Variants in KLHL22 observed in about 807,000 individuals in gnomAD.
KLHL22 encodes kelch-like protein 22.
Under a neutral mutation model 60.7 loss-of-function variants are expected in KLHL22, and 18 were observed. The observed-to-expected ratio is 0.30, with a 90% CI of 0.20 to 0.44. KLHL22 has a LOEUF of 0.44. Ranked by LOEUF, KLHL22 falls within the 20% of genes least tolerant of loss-of-function variation. The pLI is 1.00. For missense variants in KLHL22, 596 were observed against 852.3 expected (o/e 0.70, Z 3.74); for synonymous variants, 355 against 354.5 (o/e 1.00, Z -0.01).
At chr22:20,471,586 A>C in intron 2 of KLHL22, 71 bp from the exon 3 acceptor site, 1 of 1,532,742 alleles carries the variant, frequency 6.5e-7, no homozygotes, top group Non-Finnish European at 8.9e-7. Context: ...CAAGAGTGAC[A>C]GCATTCAGAG....
intron 4 of KLHL22, among the ~76,000 whole-genome samples, chr22:20,459,694 G>T (rs543761179): frequency 6.6e-4 from 100 of 152,302 alleles, no homozygotes; most frequent in Non-Finnish European, 1.2e-3. Flanking sequence ...ATTAAACAAA[G>T]GAGTAAGATT....
intron 2 of KLHL22, among the ~76,000 whole-genome samples, chr22:20,487,156 G>A (rs965306193): frequency 2.0e-5 from 3 of 152,106 alleles, no homozygotes; most frequent in African/African-American, 7.2e-5. Flanking sequence ...CTAATCTCAG[G>A]TGATCCACCC....
chr22:20,480,827 CTTTTTTT>C (rs760373717), intron 2 of KLHL22, among the ~76,000 whole-genome samples: 2 of 121,570 alleles, frequency 1.6e-5, no homozygotes, highest in African/African-American at 6.1e-5. Flanking sequence ...TTACGCCAAA[CTTTTTTT>C]TTTTTTTTTT....
intron 3 of KLHL22, among the ~76,000 whole-genome samples, chr22:20,466,637 G>T (rs1178055624): frequency 6.6e-6 from 1 of 152,076 alleles, no homozygotes; most frequent in Non-Finnish European, 1.5e-5. Context: ...ACCCACCCAG[G>T]AACCTGATTT....
intron 2 of KLHL22, among the ~76,000 whole-genome samples, chr22:20,478,816 C>A (rs1036672292): frequency 6.7e-6 from 1 of 149,126 alleles, no homozygotes; most frequent in Non-Finnish European, 1.5e-5. Flanking sequence ...GCCCAGCCTC[C>A]CAAACTTAAT....
chr22:20,483,326 G>C, intron 2 of KLHL22: 1 of 725,558 alleles, frequency 1.4e-6, no homozygotes, highest in Middle Eastern at 3.8e-4. Flanking sequence ...CGTTTCTTCC[G>C]AGCCAGCTCA....
intron 4 of KLHL22, among the ~76,000 whole-genome samples, chr22:20,458,985 G>A (rs1157974262): frequency 3.9e-5 from 6 of 152,094 alleles, no homozygotes; most frequent in African/African-American, 1.2e-4. Context: ...GAGGGTGGAG[G>A]AGTCTGGCCA....
rs548774259 is a variant in KLHL22, at chr22:20,492,655, T to C, written c.-34+3105A>G. ...CCCAGGCTAGAGTGCAGTGGTGTGATCTTGGCTCACTGCAACCTCTGCCTC... is the reference window on the plus strand; with the variant it reads ...CCCAGGCTAGAGTGCAGTGGTGTGACCTTGGCTCACTGCAACCTCTGCCTC... On this transcript the variant is annotated intron_variant, in intron 1 of 6. Transcript: ENST00000328879. Among the ~76,000 whole-genome samples, 5 of 151,966 alleles carry C rather than the reference T, an allele frequency of 3.3e-5. No homozygotes were observed. In the East Asian group the frequency reaches 7.7e-4, roughly 24 times the overall value.
intron 4 of KLHL22, among the ~76,000 whole-genome samples, chr22:20,462,449 G>A (rs567947959): frequency 6.6e-6 from 1 of 151,948 alleles, no homozygotes; most frequent in South Asian, 2.1e-4. Context: ...AAAACTCCTG[G>A]ACTCAAGCGA....
intron 5 of KLHL22, chr22:20,451,863 A>G: frequency 1.9e-6 from 3 of 1,566,968 alleles, no homozygotes; most frequent in Non-Finnish European, 2.6e-6. Context: ...TGACCAGTCC[A>G]GTGGACAGTT....
intron 2 of KLHL22, among the ~76,000 whole-genome samples, chr22:20,471,986 C>T (rs1317516140): frequency 6.6e-6 from 1 of 152,206 alleles, no homozygotes; most frequent in Admixed American, 6.5e-5. Flanking sequence ...GTGACTCACA[C>T]CTGTAATCCC....
rs80142724 is a variant in KLHL22, at chr22:20,449,948, G to A, written c.1306-3272C>T. Among the ~76,000 whole-genome samples the A allele has an allele frequency of 4.9e-3, 747 of 152,306 alleles. 1 individual carries two copies. The highest frequency in any genetic ancestry group is 0.014 in the African/African-American group (574 of 41,554). On this transcript the variant is annotated intron_variant, in intron 5 of 6. Transcript: ENST00000328879. ...GGGAGCAGACCCGGACAGCTCCAGA[G>A]CCTCCGGGCCGGGGCGGCGGCGGCG...
At chr22:20,492,455 T>A (rs1019722144) in intron 1 of KLHL22, among the ~76,000 whole-genome samples, 8 of 151,802 alleles carry the variant, frequency 5.3e-5, no homozygotes, top group African/African-American at 1.9e-4. Flanking sequence ...ATACCTGTCA[T>A]CCCCTGAACA....
intron 2 of KLHL22, chr22:20,483,437 G>C: frequency 2.5e-6 from 2 of 811,414 alleles, no homozygotes; most frequent in South Asian, 2.7e-5. Context: ...TGGTCTTGTA[G>C]GCCTTTTACT....
chr22:20,483,888 C>A, intron 2 of KLHL22: 1 of 699,270 alleles, frequency 1.4e-6, no homozygotes. Flanking sequence ...GCTTCCCATT[C>A]CTGCCAGATC....
At chr22:20,451,110 C>A (rs1438378365) in intron 5 of KLHL22, 18 of 1,486,756 alleles carry the variant, frequency 1.2e-5, no homozygotes, top group Non-Finnish European at 1.7e-5. Flanking sequence ...ATGACCAGAT[C>A]TACGTCATTG....
At chr22:20,480,934 C>T (rs1228760305) in intron 2 of KLHL22, among the ~76,000 whole-genome samples, 1 of 150,974 alleles carries the variant, frequency 6.6e-6, no homozygotes, top group African/African-American at 2.4e-5. Context: ...TGGGTTCACG[C>T]CATTCTCCTG....
intron 2 of KLHL22, among the ~76,000 whole-genome samples, chr22:20,486,019 T>G (rs960128572): frequency 1.3e-5 from 2 of 150,516 alleles, no homozygotes; most frequent in African/African-American, 4.9e-5. Context: ...ATACAAAAAA[T>G]TAGCCGGGCG....
At chr22:20,474,283 G>C (rs1322486364) in intron 2 of KLHL22, among the ~76,000 whole-genome samples, 1 of 152,238 alleles carries the variant, frequency 6.6e-6, no homozygotes, top group Non-Finnish European at 1.5e-5. Context: ...ACAGGCGTGA[G>C]CCACTGCACC....
Sources: gnomAD v4.1 joint callset for allele counts (sites outside exome capture counted in the v4.1 genomes callset) on GRCh38, gnomAD v4.1.1 for gene constraint, MANE v1.5 for transcripts, NCBI Gene and HGNC (gene_info 2026-07-23, HGNC 2026-07-21) for gene names.